The following WDR45B variants were observed in gnomAD, a reference collection of about 807,000 sequenced individuals.
WDR45B encodes the protein WD repeat domain 45B, also known as WD repeat domain phosphoinositide-interacting protein 3.
Under a neutral mutation model 44.6 loss-of-function variants are expected in WDR45B, and 20 were observed. That is an observed-to-expected ratio of 0.45 (90% CI 0.32 to 0.65). The LOEUF (loss-of-function observed/expected upper bound fraction) is 0.65. WDR45B is among the 30% of genes least tolerant of loss of function. The probability of loss-of-function intolerance (pLI) is 0.05; values close to 1 mark genes in which losing one functional copy is unlikely to be tolerated. For missense variants in WDR45B, 323 were observed against 430.2 expected (o/e 0.75, Z 2.20); for synonymous variants, 169 against 164.9 (o/e 1.02, Z -0.19).
intron 5 of WDR45B, among the ~76,000 whole-genome samples, chr17:82,623,737 T>C (rs2045652380): frequency 6.6e-6 from 1 of 150,684 alleles, no homozygotes; most frequent in African/African-American, 2.4e-5. Flanking sequence ...CATCTCATTA[T>C]AAGATAAACA....
At chr17:82,620,263 G>A (rs185037122) in intron 6 of WDR45B, among the ~76,000 whole-genome samples, 1 of 152,206 alleles carries the variant, frequency 6.6e-6, no homozygotes, top group Non-Finnish European at 1.5e-5. Flanking sequence ...GTGAAACCTC[G>A]TCTCTACTAA....
chr17:82,631,277 A>AAT (rs1251157215), intron 2 of WDR45B, among the ~76,000 whole-genome samples: 1,030 of 86,936 alleles, frequency 0.012, 7 homozygotes, highest in South Asian at 0.016. Context: ...TACAGGACTC[A>AAT]TTTTTTTTTT....
chr17:82,619,423 G>GACCCAGGAGGAAC (rs2045584017), intron 6 of WDR45B, among the ~76,000 whole-genome samples: 3 of 152,104 alleles, frequency 2.0e-5, no homozygotes, highest in African/African-American at 7.2e-5. Context: ...CCCTGGCTGA[G>GACCCAGGAGGAAC]ACCCAGGAGG....
At chr17:82,623,032 TAAAAG>T (rs1393419917) in intron 5 of WDR45B, among the ~76,000 whole-genome samples, 3 of 152,282 alleles carry the variant, frequency 2.0e-5, no homozygotes, top group African/African-American at 7.2e-5. Flanking sequence ...GAAGAAAACA[TAAAAG>T]AAATCTTTTA....
At chr17:82,645,866 T>TA (rs1163626607) in intron 1 of WDR45B, among the ~76,000 whole-genome samples, 1 of 152,180 alleles carries the variant, frequency 6.6e-6, no homozygotes, top group East Asian at 1.9e-4. Flanking sequence ...CTCACACCTG[T>TA]AATCCCAGCA....
At chr17:82,617,205 G>C (rs956447315) in intron 8 of WDR45B, 91 bp downstream of exon 8, 33 of 1,151,382 alleles carry the variant, frequency 2.9e-5, no homozygotes, top group Non-Finnish European at 4.2e-5. Context: ...ACACCACCCT[G>C]CTGGGGTGGG....
chr17:82,617,796 A>G (rs1303351114), intron 7 of WDR45B, among the ~76,000 whole-genome samples: 1 of 152,098 alleles, frequency 6.6e-6, no homozygotes, highest in Admixed American at 6.5e-5. Flanking sequence ...GCCCCTATGG[A>G]GGTCAGCTGG....
At chr17:82,623,287 TG>T (rs1438497866) in intron 5 of WDR45B, among the ~76,000 whole-genome samples, 1 of 149,166 alleles carries the variant, frequency 6.7e-6, no homozygotes, top group Non-Finnish European at 1.5e-5. Context: ...CTTGGGGGAC[TG>T]AGGCAGGAGA....
intron 2 of WDR45B, among the ~76,000 whole-genome samples, chr17:82,639,757 G>T (rs2045885160): frequency 6.7e-6 from 1 of 150,374 alleles, no homozygotes; most frequent in Admixed American, 6.6e-5. Context: ...CTGTGTGTAG[G>T]TGGGGCGGGC....
intron 3 of WDR45B, chr17:82,629,744 C>T: frequency 1.0e-6 from 1 of 985,550 alleles, no homozygotes; most frequent in Non-Finnish European, 1.2e-6. Flanking sequence ...GAACTGTGAG[C>T]TGGGCCCCAA....
chr17:82,648,383 T>C lies in WDR45B; in HGVS notation c.-43A>G. Reference sequence around the variant, plus strand: ...TCGCCGCTCCTCAGCGCTGCATGCCTCTCGCTGGGGACGGCGGCCTGGTCC... The same window carrying C: ...TCGCCGCTCCTCAGCGCTGCATGCCCCTCGCTGGGGACGGCGGCCTGGTCC... On this transcript the variant is annotated 5_prime_UTR_variant, in exon 1 of 10. Transcript: ENST00000392325. The C allele has an allele frequency of 6.3e-7, 1 of 1,593,036 alleles. No individual in the cohort carries two copies. Among genetic ancestry groups the C allele is most frequent in the East Asian group, 2.3e-5 (1 of 43,278 alleles).
chr17:82,626,309 G>C (rs541941808), intron 4 of WDR45B, among the ~76,000 whole-genome samples: 1 of 151,152 alleles, frequency 6.6e-6, no homozygotes, highest in African/African-American at 2.4e-5. Context: ...AGGCTGAGGC[G>C]GGTGGATCAT....
intron 2 of WDR45B, among the ~76,000 whole-genome samples, chr17:82,634,419 C>A (rs896628719): frequency 2.0e-5 from 3 of 151,826 alleles, no homozygotes; most frequent in Non-Finnish European, 4.4e-5. Context: ...ACCCGGGAGG[C>A]GGAGGCTGCA....
chr17:82,635,277 T>G (rs2045818138), intron 2 of WDR45B, among the ~76,000 whole-genome samples: 1 of 151,934 alleles, frequency 6.6e-6, no homozygotes, highest in Admixed American at 6.6e-5. Context: ...GAAACACATC[T>G]GAGTGACCTG....
In WDR45B at chr17:82,616,504, C is replaced by T. The variant is rs2045537488; in HGVS notation, c.928+20G>A. 3 of 1,613,408 alleles carry T rather than the reference C, an allele frequency of 1.9e-6. No homozygotes were observed. Among genetic ancestry groups the T allele is most frequent in the African/African-American group, 2.7e-5 (2 of 74,910 alleles). On this transcript the variant is annotated intron_variant, in intron 9 of 9. Transcript: ENST00000392325. Reference sequence around the variant, plus strand: ...CAGGTGGGGCGGGTGGGGACGTTCTCTCCAGGAAGGACCACTCACCAATGA... The same window carrying T: ...CAGGTGGGGCGGGTGGGGACGTTCTTTCCAGGAAGGACCACTCACCAATGA...
intron 8 of WDR45B, among the ~76,000 whole-genome samples, chr17:82,617,019 G>A (rs1426688216): frequency 6.6e-6 from 1 of 152,156 alleles, no homozygotes; most frequent in African/African-American, 2.4e-5. Context: ...GTTTCACCAT[G>A]TTAGCCAGGA....
chr17:82,629,824 C>A, intron 3 of WDR45B: 1 of 985,360 alleles, frequency 1.0e-6, no homozygotes, highest in Non-Finnish European at 1.2e-6. Flanking sequence ...CTGACCTGGG[C>A]TATTCTATTC....
intron 5 of WDR45B, 22 bp from the exon 6 acceptor site, chr17:82,621,821 C>T: frequency 6.2e-7 from 1 of 1,613,188 alleles, no homozygotes; most frequent in Non-Finnish European, 8.5e-7. Context: ...CAGAGGACAC[C>T]AATCAAGAAC....
At chr17:82,621,490 G>A in intron 6 of WDR45B, 119 bp downstream of exon 6, 2 of 1,348,532 alleles carry the variant, frequency 1.5e-6, no homozygotes, top group Non-Finnish European at 2.1e-6. Context: ...ACAGGCCCCT[G>A]AGGGGCTCCA....
Sources: allele counts gnomAD v4.1 joint callset (sites outside exome capture counted in the v4.1 genomes callset), GRCh38; gene constraint gnomAD v4.1.1; transcripts MANE v1.5; gene names NCBI Gene and HGNC (gene_info 2026-07-23, HGNC 2026-07-21).